Variants in EYS observed in about 807,000 individuals in gnomAD.
EYS encodes the protein protein eyes shut homolog.
Under a neutral mutation model 282.1 loss-of-function variants are expected in EYS, and 250 were observed. The observed-to-expected ratio is 0.89, with a 90% CI of 0.80 to 0.98. The LOEUF (loss-of-function observed/expected upper bound fraction) is 0.98, where lower values mean the gene tolerates loss of function less well. Among genes scored for constraint, EYS ranks in the 50% least tolerant of loss-of-function variants. The pLI, the probability that EYS is intolerant of heterozygous loss-of-function variation, is 0.00. For synonymous variants in EYS, 1,355 were observed against 1,282.9 expected (o/e 1.06, Z -1.20); for missense variants, 4,016 against 3,709.0 (o/e 1.08, Z -2.15).
At chr6:64,750,233 C>T (rs1031956486) in intron 22 of EYS, among the ~76,000 whole-genome samples, 5 of 151,872 alleles carry the variant, frequency 3.3e-5, no homozygotes, top group African/African-American at 1.2e-4. Context: ...AAAAGAAGTA[C>T]TTTAGGTCAG....
At chr6:65,209,812 T>C (rs1424216106) in intron 12 of EYS, among the ~76,000 whole-genome samples, 3 of 151,994 alleles carry the variant, frequency 2.0e-5, no homozygotes, top group African/African-American at 7.2e-5. Context: ...ACCTAAGTAA[T>C]GTTGAAGGAA....
intron 26 of EYS, among the ~76,000 whole-genome samples, chr6:64,457,794 T>G (rs564343478): frequency 5.4e-5 from 8 of 148,822 alleles, no homozygotes; most frequent in Non-Finnish European, 1.0e-4. Flanking sequence ...TCATTTTTTT[T>G]CCCCCCCATT....
chr6:64,112,885 C>T (rs1176137698), intron 31 of EYS, among the ~76,000 whole-genome samples: 1 of 151,334 alleles, frequency 6.6e-6, no homozygotes, highest in Non-Finnish European at 1.5e-5. Context: ...TGAATGAGGT[C>T]CCAGGGGGAG....
At chr6:64,036,551 A>G (rs1055034709) in intron 33 of EYS, among the ~76,000 whole-genome samples, 2 of 152,170 alleles carry the variant, frequency 1.3e-5, no homozygotes, top group African/African-American at 4.8e-5. Context: ...TGTTTAAGTA[A>G]GGAGACCATT....
chr6:65,116,862 A>AGT (rs1339520342), intron 12 of EYS, among the ~76,000 whole-genome samples: 1 of 147,588 alleles, frequency 6.8e-6, no homozygotes, highest in Non-Finnish European at 1.5e-5. Flanking sequence ...ATGAAACTTG[A>AGT]GTCTATCAAA....
chr6:64,479,196 A>T (rs1275830857), intron 26 of EYS, among the ~76,000 whole-genome samples: 1 of 152,044 alleles, frequency 6.6e-6, no homozygotes, highest in East Asian at 1.9e-4. Flanking sequence ...TCTTTCTAAT[A>T]ACATTATGGC....
intron 31 of EYS, 91 bp from the exon 32 acceptor site, chr6:64,082,093 T>C: frequency 2.4e-6 from 2 of 849,724 alleles, no homozygotes; most frequent in Non-Finnish European, 3.5e-6. Flanking sequence ...AGCATTCATT[T>C]GAAAAGGTAA....
chr6:64,894,300 C>T (rs1364599009), intron 18 of EYS, among the ~76,000 whole-genome samples: 1 of 151,980 alleles, frequency 6.6e-6, no homozygotes, highest in African/African-American at 2.4e-5. Flanking sequence ...TACAATAGAT[C>T]TAAGAATGCA....
intron 26 of EYS, among the ~76,000 whole-genome samples, chr6:64,488,462 G>A (rs971057555): frequency 1.3e-5 from 2 of 151,090 alleles, no homozygotes; most frequent in Admixed American, 1.3e-4. Context: ...CCAGTTTACT[G>A]TGTTGTAATA....
intron 31 of EYS, among the ~76,000 whole-genome samples, chr6:64,096,322 C>T (rs1290283205): frequency 6.6e-6 from 1 of 152,172 alleles, no homozygotes; most frequent in Non-Finnish European, 1.5e-5. Context: ...GGGAAGTTCT[C>T]CTGGATAATA....
chr6:63,941,575 T>C (rs1403199992), intron 35 of EYS, among the ~76,000 whole-genome samples: 1 of 152,234 alleles, frequency 6.6e-6, no homozygotes, highest in Non-Finnish European at 1.5e-5. Flanking sequence ...TTGTAGATTC[T>C]GGATATTAGC....
chr6:64,826,908 A>T (rs938076106), intron 19 of EYS, among the ~76,000 whole-genome samples: 2 of 151,692 alleles, frequency 1.3e-5, no homozygotes, highest in African/African-American at 4.8e-5. Flanking sequence ...CCCAGAAATA[A>T]ATGTAGTCTC....
At chr6:64,114,953 CT>C (rs1773326722) in intron 31 of EYS, among the ~76,000 whole-genome samples, 1 of 152,156 alleles carries the variant, frequency 6.6e-6, no homozygotes, top group African/African-American at 2.4e-5. Flanking sequence ...ATACATGCCC[CT>C]GACCCTGGAG....
chr6:65,262,440 C>T (rs1330525782), intron 12 of EYS, among the ~76,000 whole-genome samples: 3 of 152,016 alleles, frequency 2.0e-5, no homozygotes, highest in East Asian at 1.9e-4. Context: ...CCCAGAAACA[C>T]GTTAACTCAT....
In EYS at chr6:63,740,320, A is replaced by C. The variant is rs557389115; in HGVS notation, c.8072-13640T>G. ...TTTTAAAATGGGAGTTTCACTGCAG[A>C]AGCTCTCTTCTCTTTGCTTGCCACC... On this transcript the variant is annotated intron_variant, in intron 41 of 42. Coordinates refer to ENST00000503581, the MANE Select transcript of EYS (RefSeq NM_001142800.2). Among the ~76,000 whole-genome samples the C allele has an allele frequency of 9.4e-4, 143 of 152,252 alleles. 3 individuals are homozygous for C. In the South Asian group the frequency reaches 0.028, roughly 30 times the overall value.
At chr6:65,402,220 A>C (rs1429702785) in intron 7 of EYS, among the ~76,000 whole-genome samples, 2 of 151,816 alleles carry the variant, frequency 1.3e-5, no homozygotes, top group Non-Finnish European at 2.9e-5. Context: ...AACCTCCATT[A>C]TTAAACAAAG....
chr6:65,056,859 T>G (rs1367432720), intron 13 of EYS, among the ~76,000 whole-genome samples: 1 of 152,088 alleles, frequency 6.6e-6, no homozygotes, highest in East Asian at 1.9e-4. Flanking sequence ...GCTAGATATA[T>G]TCTTATTGTC....
chr6:63,742,080 C>A, intron 41 of EYS: 2 of 666,332 alleles, frequency 3.0e-6, no homozygotes, highest in Non-Finnish European at 2.8e-6. Context: ...ATCTTTGAAA[C>A]CTCTTTAACT....
chr6:65,120,280 G>C (rs1025907762), intron 12 of EYS, among the ~76,000 whole-genome samples: 1 of 151,504 alleles, frequency 6.6e-6, no homozygotes, highest in Admixed American at 6.6e-5. Flanking sequence ...ATGAAGATGG[G>C]TTTAAATCAG....
Sources: allele counts gnomAD v4.1 joint callset (sites outside exome capture counted in the v4.1 genomes callset), GRCh38; gene constraint gnomAD v4.1.1; transcripts MANE v1.5; gene names NCBI Gene and HGNC (gene_info 2026-07-23, HGNC 2026-07-21).